The following CCNY variants were observed in gnomAD, a reference collection of about 807,000 sequenced individuals.
CCNY encodes the protein cyclin-Y.
A neutral mutation model predicts 42.8 loss-of-function variants in CCNY; 19 were observed. That is an observed-to-expected ratio of 0.44 (90% CI 0.31 to 0.65). The LOEUF is 0.65. Among genes scored for constraint, CCNY ranks in the 30% least tolerant of loss-of-function variants. The probability of loss-of-function intolerance (pLI) is 0.07; values close to 1 mark genes in which losing one functional copy is unlikely to be tolerated. For missense variants in CCNY, 370 were observed against 437.3 expected, an observed-to-expected ratio of 0.85 and a Z score of 1.37; for synonymous variants, 165 against 162.7, an observed-to-expected ratio of 1.01 and a Z score of -0.11.
At chr10:35,541,473 C>G (rs1454771394) in intron 7 of CCNY, among the ~76,000 whole-genome samples, 1 of 152,224 alleles carries the variant, frequency 6.6e-6, no homozygotes, top group Admixed American at 6.5e-5. Flanking sequence ...TCATGGCTCT[C>G]TGCAGTCTCA....
intron 9 of CCNY, among the ~76,000 whole-genome samples, chr10:35,568,320 T>C (rs1043985645): frequency 1.3e-5 from 2 of 152,182 alleles, no homozygotes; most frequent in African/African-American, 4.8e-5. Context: ...GCCAGTCATA[T>C]CCTGACAAGG....
intron 1 of CCNY, among the ~76,000 whole-genome samples, chr10:35,372,520 ACT>A (rs913521447): frequency 4.6e-5 from 7 of 151,178 alleles, no homozygotes; most frequent in South Asian, 2.1e-4. Context: ...GCCCTCTCAG[ACT>A]CTCTATTCCA....
intron 1 of CCNY, among the ~76,000 whole-genome samples, chr10:35,383,903 T>C (rs1044388517): frequency 1.3e-5 from 2 of 152,128 alleles, no homozygotes. Flanking sequence ...CTAAGCACTT[T>C]ATATGGTCAA....
chr10:35,371,344 T>G (rs1333438203), intron 1 of CCNY, among the ~76,000 whole-genome samples: 2 of 152,214 alleles, frequency 1.3e-5, no homozygotes, highest in African/African-American at 4.8e-5. Flanking sequence ...GCCACACTAG[T>G]TCCTGCCTTG....
intron 3 of CCNY, among the ~76,000 whole-genome samples, chr10:35,308,953 T>C (rs1324737604): frequency 6.6e-6 from 1 of 151,700 alleles, no homozygotes; most frequent in Non-Finnish European, 1.5e-5. Context: ...GTCCTGAAAA[T>C]AGTGATCTTC....
At chr10:35,568,026 G>A (rs759410362) in intron 9 of CCNY, among the ~76,000 whole-genome samples, 5 of 152,184 alleles carry the variant, frequency 3.3e-5, no homozygotes, top group Non-Finnish European at 5.9e-5. Flanking sequence ...TGTGGTCCCT[G>A]GTCCCCCTCG....
intron 9 of CCNY, among the ~76,000 whole-genome samples, chr10:35,566,517 AT>A (rs1841575905): frequency 6.6e-6 from 1 of 151,870 alleles, no homozygotes; most frequent in South Asian, 2.1e-4. Flanking sequence ...GATTTTTTGT[AT>A]TTTTAGTAGA....
chr10:35,475,571 T>C (rs1281254343), intron 1 of CCNY, among the ~76,000 whole-genome samples: 3 of 150,004 alleles, frequency 2.0e-5, no homozygotes, highest in South Asian at 2.1e-4. Flanking sequence ...TAAAATCCTT[T>C]ACAGACAAGC....
chr10:35,368,554 A>C (rs902623096), intron 1 of CCNY, among the ~76,000 whole-genome samples: 2 of 152,220 alleles, frequency 1.3e-5, no homozygotes, highest in African/African-American at 2.4e-5. Context: ...CTGCTAGTGA[A>C]AGCATTCCCA....
In CCNY at chr10:35,516,604, C is replaced by T; in HGVS notation, c.346C>T (p.Leu116Phe). The part of the protein sequence containing the change: ...LDDSTVSQPN[L>F]KYTIKCVALA... ...TGATAGCACAGTCAGTCAACCAAAC[C>T]TCAAGTATACAATTAAATGGTGGGT... Residue 116 changes from leucine (L) to phenylalanine (F), a missense_variant, in exon 4 of 10, where the codon CTC becomes TTC. Transcript: ENST00000374704. 1.2e-6 allele frequency: 2 copies of T among 1,603,602 alleles called. No homozygotes were observed. Among genetic ancestry groups the T allele is most frequent in the Non-Finnish European group, 1.7e-6 (2 of 1,172,340 alleles).
intron 3 of CCNY, among the ~76,000 whole-genome samples, chr10:35,269,513 A>C (rs1387435737): frequency 6.6e-6 from 1 of 151,906 alleles, no homozygotes; most frequent in East Asian, 1.9e-4. Context: ...CATGTTGGCC[A>C]GGCTGAGTCT....
At chr10:35,446,868 C>T (rs985813421) in intron 1 of CCNY, among the ~76,000 whole-genome samples, 1 of 152,176 alleles carries the variant, frequency 6.6e-6, no homozygotes, top group African/African-American at 2.4e-5. Context: ...TTCAAAATTG[C>T]ATGTCGAGAT....
At chr10:35,357,871 A>G (rs948960730) in intron 1 of CCNY, among the ~76,000 whole-genome samples, 1 of 151,538 alleles carries the variant, frequency 6.6e-6, no homozygotes, top group African/African-American at 2.4e-5. Flanking sequence ...CATCATTTAT[A>G]TATTGATCAG....
Position 35,379,538 on chromosome 10 carries a change from T to G in CCNY, c.154+42331T>G, listed in dbSNP as rs184046985. ...ACTTAGAACCAGCGAGGGAAGTGATTGAGTGAGCTACTGGCAGAACTTGTT... is the reference window on the plus strand; with the variant it reads ...ACTTAGAACCAGCGAGGGAAGTGATGGAGTGAGCTACTGGCAGAACTTGTT... On this transcript the variant is annotated intron_variant, in intron 1 of 9. Coordinates refer to ENST00000374704, the MANE Select transcript of CCNY (RefSeq NM_145012.6). Among the ~76,000 whole-genome samples the G allele has an allele frequency of 2.4e-3, 371 of 152,334 alleles. 1 individual carries two copies. The highest frequency in any genetic ancestry group is 6.8e-3 in the African/African-American group (282 of 41,576).
Position 35,435,704 on chromosome 10 carries a change from G to T in CCNY, c.155-47700G>T, listed in dbSNP as rs529234569. Among the ~76,000 whole-genome samples the T allele has an allele frequency of 3.3e-4, 51 of 152,310 alleles. No individual in the cohort carries two copies. In the South Asian group the frequency reaches 4.3e-3, roughly 13 times the overall value. On this transcript the variant is annotated intron_variant, in intron 1 of 9. Transcript: ENST00000374704. The stretch of plus-strand genomic sequence containing the variant: ...ATTTCAGTCACAGACCTTGCGAGCT[G>T]TTGGTACAATCAGAAGCTTTTGTGT...
intron 3 of CCNY, among the ~76,000 whole-genome samples, chr10:35,311,114 A>AC (rs1489326685): frequency 2.0e-5 from 3 of 152,028 alleles, no homozygotes; most frequent in Non-Finnish European, 4.4e-5. Flanking sequence ...GGAGTTGGAA[A>AC]CCAGGCTGGT....
At chr10:35,396,417 T>G (rs899677753) in intron 1 of CCNY, among the ~76,000 whole-genome samples, 1 of 151,896 alleles carries the variant, frequency 6.6e-6, no homozygotes, top group Non-Finnish European at 1.5e-5. Flanking sequence ...GAAGGTGGGG[T>G]GGGGGGCAGC....
At chr10:35,268,026 G>T (rs533554129) in intron 3 of CCNY, among the ~76,000 whole-genome samples, 1 of 152,160 alleles carries the variant, frequency 6.6e-6, no homozygotes, top group Admixed American at 6.5e-5. Flanking sequence ...CCAGGCTCAA[G>T]GGATTCTCCT....
intron 2 of CCNY, among the ~76,000 whole-genome samples, chr10:35,497,522 G>C (rs1325395512): frequency 6.6e-6 from 1 of 152,148 alleles, no homozygotes; most frequent in Non-Finnish European, 1.5e-5. Context: ...TGGATCACTT[G>C]AGGTGAGGAG....
Sources: gnomAD v4.1 joint callset for allele counts (sites outside exome capture counted in the v4.1 genomes callset) on GRCh38, gnomAD v4.1.1 for gene constraint, MANE v1.5 for transcripts, NCBI Gene and HGNC (gene_info 2026-07-23, HGNC 2026-07-21) for gene names.